Variants in KLF15 observed in about 807,000 individuals in gnomAD.
KLF15 encodes the protein KLF transcription factor 15.
KLF15 carries 4 observed loss-of-function variants against 24.6 expected under a neutral mutation model. That is an observed-to-expected ratio of 0.16 (90% confidence interval 0.08 to 0.37). The LOEUF is 0.37. Ranked by LOEUF, KLF15 falls within the 10% of genes least tolerant of loss-of-function variation. KLF15 has a pLI of 1.00. For synonymous variants in KLF15, 246 were observed against 236.3 expected (o/e 1.04, Z -0.37); for missense variants, 496 against 560.6 (o/e 0.88, Z 1.16).
the KLF15 span, among the ~76,000 whole-genome samples, chr3:126,293,278 G>A: frequency 6.6e-6 from 1 of 152,122 alleles, no homozygotes. Context: ...TTGTGCCACT[G>A]CACTCTAGCA....
chr3:126,331,607 G>A, the KLF15 span, among the ~76,000 whole-genome samples: 2 of 152,202 alleles, frequency 1.3e-5, no homozygotes, highest in Non-Finnish European at 2.9e-5. Flanking sequence ...TCTAGTGGGG[G>A]GGAGGAGCCA....
chr3:126,291,207 AAG>A, the KLF15 span: 1 of 152,284 alleles, frequency 6.6e-6, no homozygotes, highest in Non-Finnish European at 1.5e-5. Flanking sequence ...AAGGAAATGA[AAG>A]AGGGCACAGC....
chr3:126,350,639 G>A (rs1456652946), intron 2 of KLF15, among the ~76,000 whole-genome samples: 1 of 152,190 alleles, frequency 6.6e-6, no homozygotes, highest in Non-Finnish European at 1.5e-5. Flanking sequence ...ACTGCTCCCC[G>A]GGTGTTGCAC....
chr3:126,300,082 G>C, the KLF15 span, among the ~76,000 whole-genome samples: 1 of 152,172 alleles, frequency 6.6e-6, no homozygotes, highest in Non-Finnish European at 1.5e-5. Flanking sequence ...GAGCTCCACA[G>C]GGGGGTGAAT....
chr3:126,289,602 C>G, the KLF15 span, among the ~76,000 whole-genome samples: 1 of 152,232 alleles, frequency 6.6e-6, no homozygotes, highest in East Asian at 1.9e-4. Context: ...ACATTTCTCA[C>G]TTCTTCTCTC....
rs755303161 is a variant in KLF15, at chr3:126,352,287, C to T, written c.636G>A (p.Thr212=). ...GGAQGPGGGP[T]PDGPIPVLLQ... ...GCAACACTGGGATGGGGCCATCAGG[C>T]GTGGGGCCCCCACCTGGGCCCTGGG... is the stretch of plus-strand genomic sequence containing the variant. Residue 212 remains threonine (T), a synonymous_variant, in exon 2 of 3, where the codon ACG becomes ACA. Transcript: ENST00000296233. 22 of 1,545,366 alleles carry T rather than the reference C, an allele frequency of 1.4e-5. No individual in the cohort carries two copies. The East Asian group carries it at 2.3e-4, about 16-fold the overall frequency.
At chr3:126,319,543 A>G in the KLF15 span, among the ~76,000 whole-genome samples, 16 of 152,204 alleles carry the variant, frequency 1.1e-4, no homozygotes, top group African/African-American at 3.9e-4. Context: ...ATCTTTTCAT[A>G]TGCATATTTG....
At chr3:126,344,793 T>C (rs553358449) in intron 2 of KLF15, among the ~76,000 whole-genome samples, 64 of 152,354 alleles carry the variant, frequency 4.2e-4, no homozygotes, top group African/African-American at 1.2e-3. Flanking sequence ...CAAATAAAGA[T>C]TGACCCTGCA....
intron 2 of KLF15, among the ~76,000 whole-genome samples, chr3:126,345,199 G>A (rs963914771): frequency 6.6e-6 from 1 of 152,132 alleles, no homozygotes; most frequent in African/African-American, 2.4e-5. Context: ...TCCAATTCTA[G>A]GCTCCTGTGG....
At chr3:126,343,925 T>C (rs1426631692) in intron 2 of KLF15, 30 bp from the exon 3 acceptor site, 1 of 1,543,514 alleles carries the variant, frequency 6.5e-7, no homozygotes, top group African/African-American at 1.4e-5. Flanking sequence ...CAGCGAGGCC[T>C]GGCCCTGCCT....
the KLF15 span, among the ~76,000 whole-genome samples, chr3:126,315,121 C>A: frequency 1.3e-5 from 2 of 152,130 alleles, no homozygotes; most frequent in African/African-American, 2.4e-5. Context: ...CTGATCTCCA[C>A]CTTCATGACC....
the KLF15 span, among the ~76,000 whole-genome samples, chr3:126,323,103 G>GA: frequency 6.7e-6 from 1 of 148,732 alleles, no homozygotes; most frequent in African/African-American, 2.5e-5. Flanking sequence ...TTTTTATTTG[G>GA]AAAAAATTTA....
chr3:126,313,651 C>G, the KLF15 span, among the ~76,000 whole-genome samples: 1 of 152,216 alleles, frequency 6.6e-6, no homozygotes, highest in South Asian at 2.1e-4. Flanking sequence ...CATCCTCAGT[C>G]CCTGGCATGG....
the KLF15 span, among the ~76,000 whole-genome samples, chr3:126,331,491 G>C: frequency 6.6e-6 from 1 of 152,172 alleles, no homozygotes; most frequent in African/African-American, 2.4e-5. Flanking sequence ...AACTTCAACT[G>C]AGCCCTGCAA....
At chr3:126,298,420 GATTATTATT>G in the KLF15 span, among the ~76,000 whole-genome samples, 1 of 146,212 alleles carries the variant, frequency 6.8e-6, no homozygotes, top group Non-Finnish European at 1.5e-5. Context: ...TTACTCTGCT[GATTATTATT>G]ATTATTATTA....
At chr3:126,323,574 C>T in the KLF15 span, among the ~76,000 whole-genome samples, 6 of 141,894 alleles carry the variant, frequency 4.2e-5, no homozygotes, top group Non-Finnish European at 7.6e-5. Context: ...ATGTGCAGAA[C>T]GTGCAGGTTT....
At chr3:126,320,885 G>A in the KLF15 span, among the ~76,000 whole-genome samples, 3 of 151,964 alleles carry the variant, frequency 2.0e-5, no homozygotes, top group Non-Finnish European at 2.9e-5. Context: ...GCAGGGGAAG[G>A]GTGGTCCTGA....
chr3:126,300,083 G>T, the KLF15 span, among the ~76,000 whole-genome samples: 1 of 152,140 alleles, frequency 6.6e-6, no homozygotes, highest in Non-Finnish European at 1.5e-5. Context: ...AGCTCCACAG[G>T]GGGGTGAATC....
At chr3:126,319,840 C>T in the KLF15 span, among the ~76,000 whole-genome samples, 4 of 151,230 alleles carry the variant, frequency 2.6e-5, no homozygotes, top group African/African-American at 4.9e-5. Context: ...CCCACTGGCT[C>T]GGGGTGGGGT....
Sources: allele counts gnomAD v4.1 joint callset (sites outside exome capture counted in the v4.1 genomes callset), GRCh38; gene constraint gnomAD v4.1.1; transcripts MANE v1.5; gene names NCBI Gene and HGNC (gene_info 2026-07-23, HGNC 2026-07-21).